The following DNAH5 variants were observed in gnomAD, a reference collection of about 807,000 sequenced individuals.
DNAH5 encodes the protein dynein axonemal heavy chain 5.
In DNAH5, 372 loss-of-function variants were observed where a neutral mutation model predicts 518.2. The observed-to-expected ratio is 0.72, with a 90% CI of 0.66 to 0.78. The LOEUF (loss-of-function observed/expected upper bound fraction) is 0.78, where lower values mean the gene tolerates loss of function less well. DNAH5 is among the 30% of genes least tolerant of loss of function. The probability of loss-of-function intolerance (pLI) is 0.00; values close to 1 mark genes in which losing one functional copy is unlikely to be tolerated. For missense variants in DNAH5, 5,523 were observed against 5,687.0 expected, an observed-to-expected ratio of 0.97 and a Z score of 0.93; for synonymous variants, 2,039 against 2,025.9, an observed-to-expected ratio of 1.01 and a Z score of -0.17.
chr5:13,750,347 G>T (rs1021583178), intron 65 of DNAH5, among the ~76,000 whole-genome samples: 2 of 152,116 alleles, frequency 1.3e-5, no homozygotes, highest in African/African-American at 4.8e-5. Flanking sequence ...AATCTTCCAC[G>T]TTTCTTTGCT....
At chr5:13,735,536 C>T (rs1028318685) in intron 67 of DNAH5, among the ~76,000 whole-genome samples, 1 of 152,152 alleles carries the variant, frequency 6.6e-6, no homozygotes, top group Non-Finnish European at 1.5e-5. Context: ...ATTCTACCTG[C>T]AGGGCATCAT....
chr5:13,764,801 A>C (rs1695779951), intron 59 of DNAH5, among the ~76,000 whole-genome samples: 1 of 152,248 alleles, frequency 6.6e-6, no homozygotes, highest in Non-Finnish European at 1.5e-5. Flanking sequence ...ATTCATCAAA[A>C]GTACAAGGGA....
chr5:13,753,242 A>G lies in DNAH5; in HGVS notation c.10863T>C (p.Asn3621=). The G allele has an allele frequency of 6.2e-7, 1 of 1,613,582 alleles. No homozygotes were observed. Among genetic ancestry groups the G allele is most frequent in the African/African-American group, 1.3e-5 (1 of 75,042 alleles). The change falls in exon 63 of 79, where the codon AAT becomes AAC. Residue 3621 remains asparagine (N), a synonymous_variant. Coordinates refer to ENST00000265104, the MANE Select transcript of DNAH5 (RefSeq NM_001369.3). The part of the protein sequence containing the change: ...KIWIKNKESR[N]ELQITSLNHK... ...CTAAAACACAAATTACCTGGAGTTC[A>G]TTTCGGCTTTCTTTATTTTTAATCC...
At chr5:13,903,450 CTT>C (rs1351866865) in intron 12 of DNAH5, among the ~76,000 whole-genome samples, 1 of 151,806 alleles carries the variant, frequency 6.6e-6, no homozygotes, top group Non-Finnish European at 1.5e-5. Context: ...TAAAAAAAGA[CTT>C]AGTCCTCAAA....
intron 68 of DNAH5, among the ~76,000 whole-genome samples, chr5:13,730,479 G>C (rs1262921547): frequency 6.6e-6 from 1 of 152,074 alleles, no homozygotes; most frequent in Non-Finnish European, 1.5e-5. Flanking sequence ...CTGTAGCCCA[G>C]GCTGGAGTGC....
chr5:13,914,392 T>C, intron 10 of DNAH5, 128 bp downstream of exon 10: 1 of 1,173,108 alleles, frequency 8.5e-7, no homozygotes, highest in Non-Finnish European at 1.2e-6. Flanking sequence ...CATTCCATTT[T>C]CTTCATAGTT....
At chr5:13,804,826 T>C (rs151027839) in intron 47 of DNAH5, among the ~76,000 whole-genome samples, 1,713 of 152,374 alleles carry the variant, frequency 0.011, 16 homozygotes, top group Non-Finnish European at 0.019. Flanking sequence ...TTATATGGTT[T>C]ATGAATTTGT....
intron 27 of DNAH5, 88 bp downstream of exon 27, chr5:13,865,580 C>A: frequency 1.2e-6 from 1 of 832,096 alleles, no homozygotes; most frequent in Non-Finnish European, 2.1e-6. Flanking sequence ...TTTGAAATAG[C>A]TGGGGTGAAA....
intron 52 of DNAH5, 116 bp from the exon 53 acceptor site, chr5:13,781,075 A>C (rs897962812): frequency 4.1e-5 from 48 of 1,175,238 alleles, no homozygotes; most frequent in Non-Finnish European, 5.1e-5. Flanking sequence ...TAGGTGTCTC[A>C]AGATCAGACT....
chr5:13,884,958 A>G, intron 19 of DNAH5, 31 bp downstream of exon 19: 1 of 1,613,850 alleles, frequency 6.2e-7, no homozygotes, highest in Non-Finnish European at 8.5e-7. Context: ...ATGCCTGATC[A>G]TCCACTAAGC....
chr5:14,002,480 G>T (rs1350346877), intron 1 of DNAH5, among the ~76,000 whole-genome samples: 1 of 151,886 alleles, frequency 6.6e-6, no homozygotes, highest in African/African-American at 2.4e-5. Context: ...GGATCAACTT[G>T]ACTAAATTTA....
At chr5:13,883,936 T>A (rs1477680121) in intron 19 of DNAH5, among the ~76,000 whole-genome samples, 1 of 152,194 alleles carries the variant, frequency 6.6e-6, no homozygotes, top group East Asian at 1.9e-4. Context: ...CCTTTAAATG[T>A]CAATATTCAA....
At position 13,737,263 on chromosome 5, in the gene DNAH5, T is replaced by C; in HGVS notation, c.11444A>G (p.Glu3815Gly). 6.2e-7 allele frequency: 1 copy of C among 1,614,120 alleles called. No individual in the cohort carries two copies. ...ATTACCAAACTCACCAGGTCTGTAT[T>C]CCTCCCGGGCTGAGTTAATTTGAAC... ...TEVQINSARE[E>G]YRPVATRGSI... The change falls in exon 66 of 79, where the codon GAA (glutamate) becomes GGA (glycine). Residue 3815 changes from glutamate (E) to glycine (G), a missense_variant. Physicochemically the swap from Glu to Gly is moderately conservative, Grantham distance 98. Around this residue, in one of 3 missense-constraint regions of DNAH5, gnomAD observed 5,121 missense variants for 5,223.3 expected, o/e 0.98. Transcript: ENST00000265104.
intron 53 of DNAH5, among the ~76,000 whole-genome samples, chr5:13,779,779 A>G (rs1438227914): frequency 6.6e-6 from 1 of 152,190 alleles, no homozygotes; most frequent in Non-Finnish European, 1.5e-5. Flanking sequence ...GGATGCACCA[A>G]GCCCTGAAGC....
At chr5:13,701,159 G>A in intron 77 of DNAH5, 125 bp downstream of exon 77, 1 of 1,299,990 alleles carries the variant, frequency 7.7e-7, no homozygotes, top group Non-Finnish European at 1.1e-6. Flanking sequence ...ACATGACAAT[G>A]TAACTGCTAG....
chr5:13,724,281 G>A (rs1374550325), intron 70 of DNAH5, among the ~76,000 whole-genome samples: 1 of 152,212 alleles, frequency 6.6e-6, no homozygotes, highest in Non-Finnish European at 1.5e-5. Context: ...GGAGATTCAA[G>A]ATTTAAGGAC....
At chr5:13,973,830 G>A (rs1334759661) in intron 1 of DNAH5, among the ~76,000 whole-genome samples, 1 of 151,954 alleles carries the variant, frequency 6.6e-6, no homozygotes, top group Non-Finnish European at 1.5e-5. Context: ...GAAAGACTCT[G>A]CAAAATCCAC....
At chr5:13,910,643 C>A (rs2151976484) in intron 12 of DNAH5, among the ~76,000 whole-genome samples, 1 of 152,324 alleles carries the variant, frequency 6.6e-6, no homozygotes, top group African/African-American at 2.4e-5. Flanking sequence ...GTCTTCCCAT[C>A]TTACCCTCCC....
At chr5:13,786,440 T>C in intron 51 of DNAH5, 89 bp from the exon 52 acceptor site, 3 of 1,242,820 alleles carry the variant, frequency 2.4e-6, no homozygotes, top group Non-Finnish European at 3.5e-6. Context: ...CTCTACAACC[T>C]AACACTGAAT....
Sources: gnomAD v4.1 joint callset for allele counts (sites outside exome capture counted in the v4.1 genomes callset) on GRCh38, gnomAD v4.1.1 for gene constraint, gnomAD v4.1.1 regional missense constraint, MANE v1.5 for transcripts, NCBI Gene and HGNC (gene_info 2026-07-23, HGNC 2026-07-21) for gene names.